Variants in PIAS2 observed in about 807,000 individuals in gnomAD.
PIAS2 encodes protein inhibitor of activated STAT 2, also known as E3 SUMO-protein ligase PIAS2.
A neutral mutation model predicts 69.7 loss-of-function variants in PIAS2; 19 were observed. The ratio of observed to expected loss-of-function variants is 0.27; its 90% CI spans 0.19 to 0.40. PIAS2 has a LOEUF of 0.40. Among genes scored for constraint, PIAS2 ranks in the 10% least tolerant of loss-of-function variants. PIAS2 has a pLI of 1.00. For synonymous variants in PIAS2, 261 were observed against 263.2 expected (o/e 0.99, Z 0.08); for missense variants, 624 against 757.0 (o/e 0.82, Z 2.06).
At chr18:46,819,641 GAAAA>G (rs905007238) in intron 12 of PIAS2, among the ~76,000 whole-genome samples, 38 of 151,680 alleles carry the variant, frequency 2.5e-4, no homozygotes, top group African/African-American at 9.2e-4. Context: ...ACTAAGGGGA[GAAAA>G]AAAATAAATC....
chr18:46,823,177 G>A (rs1300009169), intron 11 of PIAS2, among the ~76,000 whole-genome samples: 1 of 151,434 alleles, frequency 6.6e-6, no homozygotes, highest in Non-Finnish European at 1.5e-5. Context: ...AGGCTGCAGT[G>A]AGCCATGAAT....
At chr18:46,820,772 C>T (rs1423946500) in intron 12 of PIAS2, among the ~76,000 whole-genome samples, 161 bp downstream of exon 12, 1 of 152,096 alleles carries the variant, frequency 6.6e-6, no homozygotes, top group African/African-American at 2.4e-5. Context: ...AAAATAACAA[C>T]TGGATGTGAT....
At chr18:46,841,772 A>T (rs2045426409) in intron 8 of PIAS2, among the ~76,000 whole-genome samples, 1 of 152,230 alleles carries the variant, frequency 6.6e-6, no homozygotes, top group South Asian at 2.1e-4. Flanking sequence ...AAAACATTTC[A>T]GAAACTTAAA....
intron 12 of PIAS2, chr18:46,816,122 T>C (rs1028848699): frequency 1.0e-6 from 1 of 984,770 alleles, no homozygotes; most frequent in Admixed American, 6.1e-5. Context: ...TCTTTAATTA[T>C]TTCAAAACAT....
At chr18:46,905,568 T>C (rs1383282221) in intron 1 of PIAS2, among the ~76,000 whole-genome samples, 1 of 151,988 alleles carries the variant, frequency 6.6e-6, no homozygotes, top group African/African-American at 2.4e-5. Context: ...CTTTAAAAAT[T>C]GGCAAACTTT....
rs2046220869 is a variant in PIAS2, at chr18:46,846,771, A to G, written c.797T>C (p.Leu266Ser). The G allele has an allele frequency of 1.2e-6, 2 of 1,613,114 alleles. No individual in the cohort carries two copies. The part of the protein sequence containing the change: ...RPGRPLNITS[L>S]VRLSSAVPNQ... ...TGGCACAGCTGAAGATAACCTAACT[A>G]AAGATGTAATATTCAAGGGGCGTCC... Residue 266 changes from leucine to serine, a missense_variant, in exon 6 of 14, where the codon TTA becomes TCA. Leu to Ser is a moderately radical substitution (Grantham distance 145). This residue lies in a region of PIAS2 where 339 missense variants were observed against 408.8 expected (regional missense o/e 0.83). Transcript: ENST00000585916.
chr18:46,811,984 T>A lies in PIAS2; in HGVS notation c.*449A>T, dbSNP rs1388046931. Reference sequence around the variant, plus strand: ...GACTCATTCAGCAAACATTAAGTTCTTTCCATATATTTTTTTTCCTTCACG... The same window carrying A: ...GACTCATTCAGCAAACATTAAGTTCATTCCATATATTTTTTTTCCTTCACG... On this transcript the variant is annotated 3_prime_UTR_variant, in exon 14 of 14. Transcript: ENST00000585916. 6.5e-6 allele frequency: 1 copy of A among 153,258 alleles called. No homozygotes were observed. The highest frequency in any genetic ancestry group is 1.5e-5 in the Non-Finnish European group (1 of 68,546). 9.5% of individuals were successfully genotyped at this position (153,258 alleles called of 1,614,324 possible). A position where few individuals can be genotyped will look rare whatever the true frequency, so the allele number is the denominator to read the frequency against.
Position 46,823,342 on chromosome 18 carries a change from C to A in PIAS2, c.1509-2270G>T, listed in dbSNP as rs181204895. 3.4e-3 allele frequency among the ~76,000 whole-genome samples: 519 copies of A among 152,156 alleles called. 1 individual carries two copies. The highest frequency in any genetic ancestry group is 0.01 in the Middle Eastern group (3 of 294). ...TAATGAATGTCTTTTTCCCACTCCC[C>A]CTTCTCTTCCTTTGCTATTTCACAC... is the stretch of plus-strand genomic sequence containing the variant. On this transcript the variant is annotated intron_variant, in intron 11 of 13. Transcript: ENST00000585916.
intron 1 of PIAS2, among the ~76,000 whole-genome samples, chr18:46,893,229 T>G (rs1313914475): frequency 1.3e-5 from 2 of 152,246 alleles, no homozygotes; most frequent in African/African-American, 4.8e-5. Flanking sequence ...CGATGCATCT[T>G]TCCCTCAATC....
chr18:46,883,543 T>TA lies in PIAS2; in HGVS notation c.499+7036dup, dbSNP rs560214911. ...CATAGAGAGACCTCCTCTCCACAAA[T>TA]AAAAAAAATCAAAGCCTGGCAGAAT... is the stretch of plus-strand genomic sequence containing the variant. On this transcript the variant is annotated intron_variant, in intron 2 of 13. Coordinates refer to ENST00000585916, the MANE Select transcript of PIAS2 (RefSeq NM_004671.5). 4.6e-5 allele frequency among the ~76,000 whole-genome samples: 7 copies of TA among 151,052 alleles called. No homozygotes were observed. The East Asian group carries it at 7.8e-4, about 17-fold the overall frequency.
At chr18:46,823,577 A>T (rs1458540774) in intron 11 of PIAS2, among the ~76,000 whole-genome samples, 1 of 152,214 alleles carries the variant, frequency 6.6e-6, no homozygotes, top group East Asian at 1.9e-4. Flanking sequence ...TGAAACTTTA[A>T]ATGAGTAAAT....
chr18:46,897,746 G>C (rs1203908498), intron 1 of PIAS2, among the ~76,000 whole-genome samples: 1 of 152,122 alleles, frequency 6.6e-6, no homozygotes, highest in Non-Finnish European at 1.5e-5. Flanking sequence ...GTATCTGTCA[G>C]AAAGCAATAG....
At chr18:46,900,535 G>A (rs373681766) in intron 1 of PIAS2, among the ~76,000 whole-genome samples, 11 of 151,986 alleles carry the variant, frequency 7.2e-5, no homozygotes, top group Admixed American at 5.9e-4. Flanking sequence ...TAATTACCAC[G>A]GCTTGGTGGT....
chr18:46,901,707 A>G (rs961905900), intron 1 of PIAS2, among the ~76,000 whole-genome samples: 1 of 152,244 alleles, frequency 6.6e-6, no homozygotes, highest in African/African-American at 2.4e-5. Context: ...CGAAAAACGC[A>G]TTTCACAAAT....
At position 46,810,026 on chromosome 18, in the gene PIAS2, A is replaced by G. The variant is rs2040898310; in HGVS notation, c.*2407T>C. On this transcript the variant is annotated 3_prime_UTR_variant, in exon 14 of 14. Transcript: ENST00000585916. ...ATAAGGCCAAAGTCATAAAGTACTAATGCTCAAGACAGATAAACAACGTAA... is the reference window on the plus strand; with the variant it reads ...ATAAGGCCAAAGTCATAAAGTACTAGTGCTCAAGACAGATAAACAACGTAA... 1 of 152,186 alleles carries G rather than the reference A, an allele frequency of 6.6e-6. No homozygotes were observed. The allele number at this position is 152,186 out of a possible 1,614,324, so 9.4% of individuals were successfully genotyped here.
chr18:46,816,095 C>A, intron 12 of PIAS2: 3 of 984,808 alleles, frequency 3.0e-6, no homozygotes, highest in Non-Finnish European at 3.6e-6. Flanking sequence ...CCTAGACCTC[C>A]CTGTGTGACT....
intron 11 of PIAS2, among the ~76,000 whole-genome samples, chr18:46,824,378 T>C (rs1300021199): frequency 1.3e-5 from 2 of 152,212 alleles, no homozygotes; most frequent in African/African-American, 2.4e-5. Flanking sequence ...TTTATCCTTA[T>C]TATGTTTCCT....
chr18:46,917,235 G>A (rs1400612967), intron 1 of PIAS2, 87 bp downstream of exon 1: 1 of 1,403,532 alleles, frequency 7.1e-7, no homozygotes, highest in Admixed American at 2.6e-5. Flanking sequence ...CCAGAGGCAC[G>A]AGCAGGCGGC....
At position 46,836,359 on chromosome 18, in the gene PIAS2, A is replaced by G. The variant is rs1036943174; in HGVS notation, c.1200T>C (p.Asp400=). The G allele has an allele frequency of 1.9e-6, 3 of 1,613,424 alleles. No homozygotes were observed. In the African/African-American group the frequency reaches 4.0e-5, roughly 22 times the overall value. The change falls in exon 9 of 14, where the codon GAT becomes GAC. Residue 400 remains aspartate, a splice_region_variant and synonymous_variant. Transcript: ENST00000585916. Reference sequence around the variant, plus strand: ...GCTGTTAAAAGGGATATACTTACCCATCTAATATTAGACTTTCATAGGCAG... The same window carrying G: ...GCTGTTAAAAGGGATATACTTACCCGTCTAATATTAGACTTTCATAGGCAG... ...KKAAYESLIL[D]GLFMEILNDC...
Sources: gnomAD v4.1 joint callset for allele counts (sites outside exome capture counted in the v4.1 genomes callset) on GRCh38, gnomAD v4.1.1 for gene constraint, gnomAD v4.1.1 regional missense constraint, MANE v1.5 for transcripts, NCBI Gene and HGNC (gene_info 2026-07-23, HGNC 2026-07-21) for gene names.